LCMT1: variants seen among roughly 807,000 people sequenced by gnomAD.
The protein encoded by LCMT1 is leucine carboxyl methyltransferase 1.
LCMT1 carries 32 observed loss-of-function variants against 47.7 expected under a neutral mutation model. The observed-to-expected ratio is 0.67, with a 90% confidence interval of 0.51 to 0.90. The LOEUF (loss-of-function observed/expected upper bound fraction) is 0.90. Among genes scored for constraint, LCMT1 ranks in the 40% least tolerant of loss-of-function variants. The probability of loss-of-function intolerance (pLI) is 0.00; values close to 1 mark genes in which losing one functional copy is unlikely to be tolerated. For synonymous variants in LCMT1, 152 were observed against 149.7 expected (o/e 1.02, Z -0.11); for missense variants, 375 against 415.2 (o/e 0.90, Z 0.84).
chr16:25,115,840 G>C (rs1959767713), intron 1 of LCMT1, among the ~76,000 whole-genome samples: 1 of 152,106 alleles, frequency 6.6e-6, no homozygotes, highest in South Asian at 2.1e-4. Flanking sequence ...ACCACACCCG[G>C]CTAATTTTTG....
chr16:25,152,793 G>A (rs770392719), intron 5 of LCMT1, among the ~76,000 whole-genome samples: 1 of 152,048 alleles, frequency 6.6e-6, no homozygotes. Context: ...TCTGCTACCT[G>A]TTTGGCCCTG....
chr16:25,152,978 A>G (rs998639811), intron 5 of LCMT1, among the ~76,000 whole-genome samples: 6 of 152,118 alleles, frequency 3.9e-5, no homozygotes, highest in African/African-American at 1.4e-4. Context: ...CAGGTCAGAG[A>G]TCGTGCAGAG....
intron 4 of LCMT1, among the ~76,000 whole-genome samples, chr16:25,150,175 C>CT (rs1961029104): frequency 6.6e-6 from 1 of 152,006 alleles, no homozygotes; most frequent in Non-Finnish European, 1.5e-5. Flanking sequence ...TTACAGCACA[C>CT]TCATGAATTA....
chr16:25,156,834 T>C (rs2141690879), intron 5 of LCMT1, among the ~76,000 whole-genome samples: 1 of 152,270 alleles, frequency 6.6e-6, no homozygotes, highest in East Asian at 1.9e-4. Flanking sequence ...TGTTCATCAG[T>C]TATTCCCAGG....
chr16:25,132,072 AT>A, intron 2 of LCMT1: 1 of 415,426 alleles, frequency 2.4e-6, no homozygotes, highest in Non-Finnish European at 4.7e-6. Context: ...AGTGGCTTTC[AT>A]TATAGCCATG....
At chr16:25,132,357 C>T (rs1960372588) in intron 2 of LCMT1, 45 bp from the exon 3 acceptor site, 1 of 1,608,014 alleles carries the variant, frequency 6.2e-7, no homozygotes, top group East Asian at 2.2e-5. Context: ...TAATTTCTGT[C>T]ATCACTGGGT....
At chr16:25,129,951 A>G (rs1960300626) in intron 2 of LCMT1, among the ~76,000 whole-genome samples, 1 of 151,946 alleles carries the variant, frequency 6.6e-6, no homozygotes, top group Non-Finnish European at 1.5e-5. Flanking sequence ...TGTGGGTGGG[A>G]GGGAAAGTGT....
chr16:25,114,217 G>A (rs964223635), intron 1 of LCMT1, among the ~76,000 whole-genome samples: 1 of 152,174 alleles, frequency 6.6e-6, no homozygotes, highest in South Asian at 2.1e-4. Flanking sequence ...CTTCTGTTTA[G>A]TTTGCTTCTT....
rs1007722745 is a variant in LCMT1, at chr16:25,130,139, G to A, written c.205+1573G>A. Among the ~76,000 whole-genome samples, 3 of 150,574 alleles carry A rather than the reference G, an allele frequency of 2.0e-5. 1 individual carries two copies. The highest frequency in any genetic ancestry group is 4.4e-5 in the Non-Finnish European group (3 of 67,734). On this transcript the variant is annotated intron_variant, in intron 2 of 10. Transcript: ENST00000399069. ...GCGGACCACGAGGTCAGGAGATCGAGACCATCCTGGCTAACACGGTGAAAC... is the reference window on the plus strand; with the variant it reads ...GCGGACCACGAGGTCAGGAGATCGAAACCATCCTGGCTAACACGGTGAAAC...
At chr16:25,140,089 A>T in intron 3 of LCMT1, 82 bp from the exon 4 acceptor site, 1 of 983,288 alleles carries the variant, frequency 1.0e-6, no homozygotes, top group Non-Finnish European at 1.6e-6. Context: ...TATTGCTCTT[A>T]GGTGCCTAGT....
chr16:25,135,999 G>A (rs1406019055), intron 3 of LCMT1, among the ~76,000 whole-genome samples: 1 of 150,820 alleles, frequency 6.6e-6, no homozygotes, highest in Non-Finnish European at 1.5e-5. Context: ...GTGGAGGTGG[G>A]AGGATCACCT....
intron 5 of LCMT1, among the ~76,000 whole-genome samples, chr16:25,157,160 G>T (rs960752300): frequency 6.6e-6 from 1 of 152,000 alleles, no homozygotes; most frequent in African/African-American, 2.4e-5. Flanking sequence ...TTGTGTGTGT[G>T]TGTGTGTGTG....
chr16:25,143,255 G>A (rs951801755), intron 4 of LCMT1: 4 of 152,302 alleles, frequency 2.6e-5, no homozygotes, highest in South Asian at 2.1e-4. Context: ...TAGGCTGCAC[G>A]AAGGGGCCCT....
chr16:25,177,944 G>T (rs1961999824), intron 10 of LCMT1, 57 bp from the exon 11 acceptor site: 6 of 1,546,894 alleles, frequency 3.9e-6, no homozygotes, highest in Non-Finnish European at 4.5e-6. Context: ...TCCTCTAGGG[G>T]CCTCTGCTCC....
chr16:25,143,721 G>A (rs577330737), intron 4 of LCMT1: 1 of 152,190 alleles, frequency 6.6e-6, no homozygotes, highest in Admixed American at 6.5e-5. Context: ...GATTATTTCG[G>A]GAACACAATT....
intron 9 of LCMT1, among the ~76,000 whole-genome samples, chr16:25,174,044 T>G (rs1961855784): frequency 6.6e-6 from 1 of 152,218 alleles, no homozygotes; most frequent in South Asian, 2.1e-4. Flanking sequence ...CCCAAATAGC[T>G]GTGACTACAG....
At chr16:25,175,808 T>C (rs918916730) in intron 10 of LCMT1, among the ~76,000 whole-genome samples, 7 of 152,150 alleles carry the variant, frequency 4.6e-5, no homozygotes, top group African/African-American at 1.7e-4. Flanking sequence ...GATGTACATG[T>C]ATCCGTGAGC....
chr16:25,157,532 C>T (rs143115744), intron 5 of LCMT1, among the ~76,000 whole-genome samples: 22 of 151,976 alleles, frequency 1.4e-4, no homozygotes, highest in African/African-American at 3.6e-4. Context: ...TACAATGCAA[C>T]GCTGTCTCAA....
intron 5 of LCMT1, among the ~76,000 whole-genome samples, chr16:25,160,166 C>T (rs1961380774): frequency 6.6e-6 from 1 of 152,104 alleles, no homozygotes; most frequent in African/African-American, 2.4e-5. Context: ...CCAGGATGGT[C>T]TCGATCTCCT....
Sources: allele counts gnomAD v4.1 joint callset (sites outside exome capture counted in the v4.1 genomes callset), GRCh38; gene constraint gnomAD v4.1.1; transcripts MANE v1.5; gene names NCBI Gene and HGNC (gene_info 2026-07-23, HGNC 2026-07-21).